RNF213: variants seen among roughly 807,000 people sequenced by gnomAD.
RNF213 encodes the protein E3 ubiquitin-protein ligase RNF213.
RNF213 carries 341 observed loss-of-function variants against 514.4 expected under a neutral mutation model. The observed-to-expected ratio is 0.66, with a 90% confidence interval of 0.61 to 0.73. RNF213 has a LOEUF of 0.73. Among genes scored for constraint, RNF213 ranks in the 30% least tolerant of loss-of-function variants. The pLI is 0.00. For missense variants in RNF213, 5,767 were observed against 6,615.6 expected (o/e 0.87, Z 4.45); for synonymous variants, 2,655 against 2,658.2 (o/e 1.00, Z 0.04).
chr17:80,354,358 C>T, intron 35 of RNF213, 83 bp from the exon 36 acceptor site: 1 of 1,604,824 alleles, frequency 6.2e-7, no homozygotes, highest in Non-Finnish European at 8.5e-7. Context: ...GACTTCCCTT[C>T]CTGGGGGAGG....
chr17:80,300,698 C>T (rs757045657), intron 11 of RNF213, among the ~76,000 whole-genome samples: 5 of 151,682 alleles, frequency 3.3e-5, no homozygotes, highest in Non-Finnish European at 5.9e-5. Context: ...GGACCACAGG[C>T]ACCCCACCAT....
intron 14 of RNF213, 80 bp downstream of exon 14, chr17:80,309,251 G>GAC (rs1465448727): frequency 5.3e-5 from 82 of 1,554,182 alleles, no homozygotes; most frequent in Non-Finnish European, 6.6e-5. Context: ...AAAGGAAACA[G>GAC]ACTGATTCCC....
intron 11 of RNF213, among the ~76,000 whole-genome samples, chr17:80,299,732 A>G (rs957705142): frequency 2.0e-5 from 3 of 152,042 alleles, no homozygotes; most frequent in Non-Finnish European, 2.9e-5. Flanking sequence ...ACCCTCTGAT[A>G]AGCCCCAGTG....
chr17:80,266,288 AAAG>A (rs1228019843), intron 2 of RNF213, among the ~76,000 whole-genome samples: 1 of 151,464 alleles, frequency 6.6e-6, no homozygotes, highest in Non-Finnish European at 1.5e-5. Context: ...CAAAAAAAAA[AAAG>A]AAAAAAAAAT....
rs2080657329 is a variant in RNF213 at position 80,396,207 on chromosome 17, A to T, written c.*2709A>T. 6.6e-6 allele frequency: 1 copy of T among 152,148 alleles called. No individual in the cohort carries two copies. Among genetic ancestry groups the T allele is most frequent in the Admixed American group, 6.5e-5 (1 of 15,268 alleles). 9.4% of individuals were successfully genotyped at this position (152,148 alleles called of 1,614,324 possible). On this transcript the variant is annotated 3_prime_UTR_variant, in exon 68 of 68. Coordinates refer to ENST00000582970, the MANE Select transcript of RNF213 (RefSeq NM_001256071.3). ...AGCCTGGGAGTTTGAGGCTGCAGTG[A>T]GCTATGATTGCACCACTGCACTCCA...
rs762731239 is a variant in RNF213, at chr17:80,376,441, G to A, written c.13326G>A (p.Thr4442=). ...CTAGTGACAGCAACCTTGATGGAAC[G>A]GTGACAGAAATGGCCATTCATGCTG... The part of the protein sequence containing the change: ...AGPSDSNLDG[T]VTEMAIHAAA... Residue 4442 remains threonine, a synonymous_variant, in exon 52 of 68, where the codon ACG becomes ACA. Coordinates refer to ENST00000582970, the MANE Select transcript of RNF213 (RefSeq NM_001256071.3). The A allele has an allele frequency of 1.1e-5, 18 of 1,614,030 alleles. 1 individual carries two copies. In the African/African-American group the frequency reaches 1.5e-4, roughly 13 times the overall value.
intron 14 of RNF213, 152 bp from the exon 15 acceptor site, chr17:80,312,860 T>C: frequency 1.3e-6 from 1 of 788,830 alleles, no homozygotes; most frequent in South Asian, 1.5e-5. Context: ...GCTTTGGGAA[T>C]GTGGGCTTCT....
At chr17:80,357,673 C>T (rs570248138) in intron 36 of RNF213, among the ~76,000 whole-genome samples, 2 of 152,236 alleles carry the variant, frequency 1.3e-5, no homozygotes, top group East Asian at 3.9e-4. Flanking sequence ...ATTATGCAGC[C>T]TTGCAAAAAA....
Position 80,336,157 on chromosome 17 carries a change from C to T in RNF213, c.4310-4C>T. 1 of 1,536,626 alleles carries T rather than the reference C, an allele frequency of 6.5e-7. No individual in the cohort carries two copies. Among genetic ancestry groups the T allele is most frequent in the Non-Finnish European group, 8.7e-7 (1 of 1,146,420 alleles). ...ACGCTGAACTCCCCTCTTCTCTTCC[C>T]CAGGCATCAATGAGCTGAAGGTGTT... is the stretch of plus-strand genomic sequence containing the variant. On this transcript the variant is annotated splice_region_variant and splice_polypyrimidine_tract_variant and intron_variant, in intron 22 of 67. Transcript: ENST00000582970.
intron 55 of RNF213, 99 bp from the exon 56 acceptor site, chr17:80,380,732 C>G (rs1432248187): frequency 2.2e-6 from 3 of 1,371,814 alleles, no homozygotes; most frequent in Non-Finnish European, 3.1e-6. Context: ...TCACATAACT[C>G]TCTTCTCAGC....
In RNF213 at chr17:80,363,300, G is replaced by A; in HGVS notation, c.11554G>A (p.Ala3852Thr). The change falls in exon 40 of 68, where the codon GCT (alanine) becomes ACT (threonine). Residue 3852 changes from alanine (A) to threonine (T), a missense_variant. Physicochemically the swap from Ala to Thr is moderately conservative, Grantham distance 58 (BLOSUM62 0). Transcript: ENST00000582970. ...LMEARWNHEL[A>T]GCEMTLDAFA... is the part of the protein sequence containing the mutation. The stretch of plus-strand genomic sequence containing the variant: ...GGAAGCCCGTTGGAACCATGAGCTG[G>A]CTGGATGTGAGATGGTATGGCCCTC... 3 of 1,613,870 alleles carry A rather than the reference G, an allele frequency of 1.9e-6. No homozygotes were observed. Among genetic ancestry groups the A allele is most frequent in the Middle Eastern group, 1.6e-4 (1 of 6,062 alleles).
At chr17:80,331,502 C>T (rs1599038348) in intron 20 of RNF213, among the ~76,000 whole-genome samples, 1 of 151,706 alleles carries the variant, frequency 6.6e-6, no homozygotes, top group South Asian at 2.1e-4. Context: ...GATTCTCCTG[C>T]CTCAGCCTCC....
intron 17 of RNF213, chr17:80,321,193 T>C (rs2046126651): frequency 6.6e-6 from 1 of 152,240 alleles, no homozygotes. Flanking sequence ...ATACATCTTA[T>C]ACACATAGCC....
At position 80,377,868 on chromosome 17, in the gene RNF213, G is replaced by C; in HGVS notation, c.13545+72G>C. 1 of 1,550,468 alleles carries C rather than the reference G, an allele frequency of 6.4e-7. No individual in the cohort carries two copies. The highest frequency in any genetic ancestry group is 2.2e-5 in the East Asian group (1 of 44,576). On this transcript the variant is annotated intron_variant, in intron 54 of 67. Transcript: ENST00000582970. The surrounding 1 kb of genome is among the most constrained non-coding windows in gnomAD (Gnocchi z 4.1). ...CTGGGTTGGAGGAGGGGGATCGTGG[G>C]TCAGGAGAGTGAGGCTCTCGGCCTT...
At chr17:80,378,696 A>C (rs938635787) in intron 54 of RNF213, among the ~76,000 whole-genome samples, 2 of 152,162 alleles carry the variant, frequency 1.3e-5, no homozygotes, top group Non-Finnish European at 2.9e-5. Context: ...TCTGAGCTTC[A>C]ATCACTTCCT....
intron 41 of RNF213, 119 bp downstream of exon 41, chr17:80,363,909 G>A (rs1198340649): frequency 2.5e-5 from 24 of 966,990 alleles, no homozygotes; most frequent in South Asian, 4.2e-5. Context: ...GAGGGGCTCC[G>A]TCCTCACCCG....
At chr17:80,329,754 C>G (rs148626399) in intron 20 of RNF213, among the ~76,000 whole-genome samples, 5 of 152,286 alleles carry the variant, frequency 3.3e-5, no homozygotes, top group African/African-American at 9.6e-5. Flanking sequence ...TCACTTGAGC[C>G]TGGGAAGTCG....
rs114333705 is a variant in RNF213 at position 80,343,962 on chromosome 17, G to A, written c.6289G>A (p.Val2097Ile). The A allele has an allele frequency of 9.2e-4, 1,490 of 1,614,142 alleles. 12 individuals are homozygous for A. The African/African-American group carries it at 0.017, about 19-fold the overall frequency. The change falls in exon 28 of 68, where the codon GTT (valine) becomes ATT (isoleucine). Residue 2097 changes from valine to isoleucine, a missense_variant. Around this residue, in one of 13 missense-constraint regions of RNF213, gnomAD observed 1,377 missense variants for 1,635.2 expected, o/e 0.84. Coordinates refer to ENST00000582970, the MANE Select transcript of RNF213 (RefSeq NM_001256071.3). The surrounding 1 kb of genome is among the most constrained non-coding windows in gnomAD (Gnocchi z 4.3). ...WLRNPCHLYI[V>I]EILERRTSVP... ...TCGGAACCCCTGCCATTTGTATATC[G>A]TTGAAATCCTGGAAAGGAGGACGTC... is the stretch of plus-strand genomic sequence containing the variant.
At chr17:80,271,035 C>T (rs1203088375) in intron 2 of RNF213, among the ~76,000 whole-genome samples, 1 of 152,068 alleles carries the variant, frequency 6.6e-6, no homozygotes, top group South Asian at 2.1e-4. Flanking sequence ...TTCCCTTAGT[C>T]AATCACTAGT....
Sources: allele counts gnomAD v4.1 joint callset (sites outside exome capture counted in the v4.1 genomes callset), GRCh38; gene constraint gnomAD v4.1.1; regional missense constraint gnomAD v4.1.1; non-coding constraint Gnocchi (gnomAD v3.1); transcripts MANE v1.5; gene names NCBI Gene and HGNC (gene_info 2026-07-23, HGNC 2026-07-21).